ANK2: variants seen among roughly 807,000 people sequenced by gnomAD.
ANK2 encodes ankyrin-2.
Under a neutral mutation model 360.5 loss-of-function variants are expected in ANK2, and 83 were observed. That is an observed-to-expected ratio of 0.23 (90% confidence interval 0.19 to 0.28). The LOEUF is 0.28. Among genes scored for constraint, ANK2 ranks in the 10% least tolerant of loss-of-function variants. The pLI, the probability that ANK2 is intolerant of heterozygous loss-of-function variation, is 1.00. For synonymous variants in ANK2, 1,740 were observed against 1,759.5 expected (o/e 0.99, Z 0.28); for missense variants, 4,201 against 4,795.7 (o/e 0.88, Z 3.66).
At chr4:112,743,554 C>CTT in the ANK2 span, among the ~76,000 whole-genome samples, 1,375 of 105,840 alleles carry the variant, frequency 0.013, 75 homozygotes, top group African/African-American at 0.032. Context: ...CTTTTCTATC[C>CTT]TTTTTTTTTT....
intron 2 of ANK2, among the ~76,000 whole-genome samples, chr4:113,177,140 C>T (rs1034570763): frequency 5.9e-5 from 9 of 152,096 alleles, no homozygotes; most frequent in Admixed American, 2.6e-4. Flanking sequence ...AGTGCGGTGG[C>T]GTGATCTCGG....
chr4:112,784,228 C>T, the ANK2 span, among the ~76,000 whole-genome samples: 7 of 151,538 alleles, frequency 4.6e-5, no homozygotes, highest in Non-Finnish European at 8.8e-5. Flanking sequence ...GACCAGGTCT[C>T]GCTTGCAGTA....
intron 9 of ANK2, among the ~76,000 whole-genome samples, chr4:113,248,653 G>A (rs2044350508): frequency 3.3e-5 from 5 of 152,008 alleles, no homozygotes; most frequent in Admixed American, 2.6e-4. Flanking sequence ...AGAGTGTTGC[G>A]ATTCAGAGGA....
chr4:112,735,336 TAAATA>T, the ANK2 span, among the ~76,000 whole-genome samples: 2 of 150,916 alleles, frequency 1.3e-5, no homozygotes, highest in Non-Finnish European at 3.0e-5. Flanking sequence ...GTTTCAAAAA[TAAATA>T]AAATAAAATA....
At chr4:112,972,928 CA>C (rs2040072063) in intron 2 of ANK2, among the ~76,000 whole-genome samples, 2 of 152,026 alleles carry the variant, frequency 1.3e-5, no homozygotes, top group Non-Finnish European at 1.5e-5. Flanking sequence ...AATGGAAAAC[CA>C]AATAGTGTAT....
chr4:113,291,962 A>T (rs2067897032), intron 20 of ANK2, among the ~76,000 whole-genome samples: 1 of 152,342 alleles, frequency 6.6e-6, no homozygotes, highest in South Asian at 2.1e-4. Flanking sequence ...GAGAGTCATG[A>T]TGAACAAGCA....
intron 1 of ANK2, among the ~76,000 whole-genome samples, chr4:113,173,658 T>G (rs1318489027): frequency 1.3e-5 from 2 of 152,202 alleles, no homozygotes; most frequent in African/African-American, 4.8e-5. Flanking sequence ...AGAATTCAGC[T>G]GAGTCTCCCA....
At chr4:113,323,350 C>A (rs1266254194) in intron 26 of ANK2, among the ~76,000 whole-genome samples, 2 of 151,970 alleles carry the variant, frequency 1.3e-5, no homozygotes, top group African/African-American at 4.8e-5. Flanking sequence ...TCTGTGATAG[C>A]CCAAAAAGTT....
chr4:113,136,152 C>A (rs1022013765), intron 1 of ANK2, among the ~76,000 whole-genome samples: 4 of 152,076 alleles, frequency 2.6e-5, no homozygotes, highest in African/African-American at 9.7e-5. Flanking sequence ...TATAGGGGCA[C>A]TATCAGGAGT....
rs141841376 is a variant in ANK2 at position 112,861,839 on chromosome 4, C to CAGAG, written c.-39-42590_-39-42587dup. Among the ~76,000 whole-genome samples the CAGAG allele has an allele frequency of 1.9e-3, 270 of 140,504 alleles. 1 individual carries two copies. The highest frequency in any genetic ancestry group is 0.011 in the Middle Eastern group (3 of 272). The allele number at this position is 140,504 out of a possible 152,430, so 92.2% of individuals were successfully genotyped here. Reference sequence around the variant, plus strand: ...CAACAAAAATGTGGCTACATAGAGACAGAGAGAGAGAGAGAGAGAGAGAGA... The same window carrying CAGAG: ...CAACAAAAATGTGGCTACATAGAGACAGAGAGAGAGAGAGAGAGAGAGAGAGAGA... On this transcript the variant is annotated intron_variant, in intron 1 of 30. Coordinates refer to the ANK2 transcript ENST00000503271.
rs762826494 is a variant in ANK2, at chr4:113,355,401, A to C, written c.6783A>C (p.Thr2261=). Residue 2261 remains threonine, a synonymous_variant, in exon 38 of 46, where the codon ACA becomes ACC. Coordinates refer to ENST00000357077, the MANE Select transcript of ANK2 (RefSeq NM_001148.6). ...AAAGTGAGGAGCAAACTGGGGAAAC[A>C]AAGGAAAGCACCAAGACAGAAACCA... The part of the protein sequence containing the change: ...PKKSEEQTGE[T]KESTKTETTT... The C allele has an allele frequency of 6.2e-7, 1 of 1,614,034 alleles. No homozygotes were observed. The highest frequency in any genetic ancestry group is 8.5e-7 in the Non-Finnish European group (1 of 1,179,974).
At chr4:112,788,643 G>T in the ANK2 span, 11 of 1,600,722 alleles carry the variant, frequency 6.9e-6, no homozygotes, top group Admixed American at 1.7e-5. Flanking sequence ...CTGGTTAATC[G>T]CAGGAGGCAC....
intron 1 of ANK2, among the ~76,000 whole-genome samples, chr4:113,156,535 T>A (rs1293031561): frequency 6.6e-6 from 1 of 151,738 alleles, no homozygotes; most frequent in African/African-American, 2.4e-5. Flanking sequence ...CACATCTGGA[T>A]AATTTTCTGT....
chr4:113,159,191 CCACACACACACA>C (rs57967546), intron 1 of ANK2, among the ~76,000 whole-genome samples: 12 of 141,942 alleles, frequency 8.5e-5, no homozygotes, highest in East Asian at 4.2e-4. Context: ...CTCTTTCCTT[CCACACACACACA>C]CACACACACA....
chr4:112,876,575 T>A (rs1002590078), intron 1 of ANK2, among the ~76,000 whole-genome samples: 5 of 152,026 alleles, frequency 3.3e-5, no homozygotes, highest in African/African-American at 1.2e-4. Flanking sequence ...CAGGAAAGTG[T>A]TAAAAAACAG....
intron 2 of ANK2, among the ~76,000 whole-genome samples, chr4:112,948,162 G>C (rs144613329): frequency 6.6e-6 from 1 of 152,052 alleles, no homozygotes; most frequent in Admixed American, 6.6e-5. Context: ...GTAATTTCTC[G>C]CAGAGGATCA....
At chr4:113,185,389 T>C (rs2098500444) in intron 2 of ANK2, among the ~76,000 whole-genome samples, 1 of 152,230 alleles carries the variant, frequency 6.6e-6, no homozygotes, top group Non-Finnish European at 1.5e-5. Flanking sequence ...TTTCCTGACT[T>C]TTTAGTGATA....
chr4:112,871,334 C>T (rs1004058264), intron 1 of ANK2, among the ~76,000 whole-genome samples: 16 of 152,030 alleles, frequency 1.1e-4, no homozygotes, highest in Admixed American at 3.3e-4. Context: ...TATAGGCGCA[C>T]GCCGCTATGC....
chr4:113,105,236 T>A (rs1345337561), intron 1 of ANK2, among the ~76,000 whole-genome samples: 2 of 152,170 alleles, frequency 1.3e-5, no homozygotes, highest in Non-Finnish European at 2.9e-5. Context: ...TAAACTTTTT[T>A]ATCTGAACCG....
Sources: allele counts gnomAD v4.1 joint callset (sites outside exome capture counted in the v4.1 genomes callset), GRCh38; gene constraint gnomAD v4.1.1; transcripts MANE v1.5; gene names NCBI Gene and HGNC (gene_info 2026-07-23, HGNC 2026-07-21).